Variants in NR6A1 observed in about 807,000 individuals in gnomAD.
NR6A1 encodes retinoic acid receptor-related testis-associated receptor.
A neutral mutation model predicts 59.1 loss-of-function variants in NR6A1; 7 were observed. The ratio of observed to expected loss-of-function variants is 0.12; its 90% CI spans 0.07 to 0.22. The LOEUF is 0.22. Ranked by LOEUF, NR6A1 falls within the 10% of genes least tolerant of loss-of-function variation. NR6A1 has a pLI of 1.00. For missense variants in NR6A1, 468 were observed against 611.6 expected (o/e 0.77, Z 2.48); for synonymous variants, 243 against 236.1 (o/e 1.03, Z -0.27).
At chr9:124,649,782 GA>G (rs1005027325) in intron 2 of NR6A1, among the ~76,000 whole-genome samples, 2 of 151,624 alleles carry the variant, frequency 1.3e-5, no homozygotes, top group African/African-American at 4.8e-5. Context: ...TTTAAAATGG[GA>G]AAAAAAGATG....
intron 1 of NR6A1, among the ~76,000 whole-genome samples, chr9:124,747,951 T>C (rs1341471816): frequency 6.6e-6 from 1 of 152,216 alleles, no homozygotes; most frequent in Non-Finnish European, 1.5e-5. Context: ...TTAGCATACA[T>C]TAATAGCACC....
chr9:124,556,970 T>C (rs1833947869), intron 2 of NR6A1, among the ~76,000 whole-genome samples: 1 of 152,080 alleles, frequency 6.6e-6, no homozygotes, highest in South Asian at 2.1e-4. Context: ...CATGAGATTA[T>C]ACAACCAGGG....
chr9:124,608,079 AT>A (rs1386180688), intron 2 of NR6A1, among the ~76,000 whole-genome samples: 5 of 152,168 alleles, frequency 3.3e-5, no homozygotes, highest in African/African-American at 1.2e-4. Flanking sequence ...AATAAAAAAA[AT>A]AATTTCGTGC....
intron 2 of NR6A1, among the ~76,000 whole-genome samples, chr9:124,646,650 C>T (rs1396924749): frequency 6.6e-6 from 1 of 152,088 alleles, no homozygotes; most frequent in East Asian, 1.9e-4. Flanking sequence ...AACACTAACA[C>T]TAACAATAGC....
chr9:124,685,453 T>C lies in NR6A1; in HGVS notation c.142+47855A>G, dbSNP rs541182801. 5.9e-4 allele frequency among the ~76,000 whole-genome samples: 90 copies of C among 152,312 alleles called. 1 individual carries two copies. The South Asian group carries it at 0.018, about 31-fold the overall frequency. ...AGCCAATATTGCCACCTCAGCCTCC[T>C]ATGTAGCTAGAACTACTGGCAGACA... On this transcript the variant is annotated intron_variant, in intron 2 of 9. Coordinates refer to ENST00000487099, the MANE Select transcript of NR6A1 (RefSeq NM_033334.4).
At chr9:124,524,678 G>A (rs1418104444) in intron 9 of NR6A1, 43 bp downstream of exon 9, 1 of 1,601,754 alleles carries the variant, frequency 6.2e-7, no homozygotes, top group Admixed American at 1.7e-5. Context: ...CACAAGCTAA[G>A]AGAAGCAAGG....
chr9:124,730,989 T>C (rs1325024253), intron 2 of NR6A1, among the ~76,000 whole-genome samples: 1 of 152,076 alleles, frequency 6.6e-6, no homozygotes, highest in Non-Finnish European at 1.5e-5. Context: ...ACAAACTGAG[T>C]TATCAACTAT....
chr9:124,558,615 C>T (rs1474525003), intron 2 of NR6A1, among the ~76,000 whole-genome samples: 1 of 152,092 alleles, frequency 6.6e-6, no homozygotes, highest in Non-Finnish European at 1.5e-5. Flanking sequence ...TGAATAATCA[C>T]AATTATTCCT....
chr9:124,737,976 C>T (rs949054137), intron 1 of NR6A1, among the ~76,000 whole-genome samples: 13 of 152,252 alleles, frequency 8.5e-5, no homozygotes, highest in South Asian at 2.1e-4. Context: ...AAAAATTAGG[C>T]GGGGCGTGGT....
chr9:124,682,292 G>A (rs1051063526), intron 2 of NR6A1, among the ~76,000 whole-genome samples: 9 of 152,048 alleles, frequency 5.9e-5, no homozygotes, highest in African/African-American at 2.2e-4. Flanking sequence ...ATCAGCCATC[G>A]CGCCTGGCCG....
At chr9:124,751,750 G>A (rs1165974182) in intron 1 of NR6A1, among the ~76,000 whole-genome samples, 2 of 152,124 alleles carry the variant, frequency 1.3e-5, no homozygotes, top group African/African-American at 4.8e-5. Context: ...CATAGACAAA[G>A]TACAATAAAT....
rs1832729793 is a variant in NR6A1 at position 124,518,242 on chromosome 9, G to C, written c.*4463C>G. ...AGATGGGAACTGGGCTAGACAGAGG[G>C]ACCAGGCTTCTATGAGCGGGGAGAG... On this transcript the variant is annotated 3_prime_UTR_variant, in exon 10 of 10. Coordinates refer to ENST00000487099, the MANE Select transcript of NR6A1 (RefSeq NM_033334.4). The C allele has an allele frequency of 6.7e-6, 1 of 149,178 alleles. No individual in the cohort carries two copies. The highest frequency in any genetic ancestry group is 2.2e-4 in the South Asian group (1 of 4,526). 9.2% of individuals were successfully genotyped at this position (149,178 alleles called of 1,614,324 possible).
chr9:124,673,671 AAG>A (rs1837864198), intron 2 of NR6A1, among the ~76,000 whole-genome samples: 1 of 152,124 alleles, frequency 6.6e-6, no homozygotes. Flanking sequence ...TTAAAGAAAA[AAG>A]TTAAAGCTTT....
chr9:124,616,114 T>C (rs1234781012), intron 2 of NR6A1, among the ~76,000 whole-genome samples: 1 of 151,884 alleles, frequency 6.6e-6, no homozygotes, highest in African/African-American at 2.4e-5. Context: ...AAAGAACTAA[T>C]TGGACAGGCG....
intron 5 of NR6A1, among the ~76,000 whole-genome samples, chr9:124,539,519 G>A (rs1446346653): frequency 6.6e-6 from 1 of 152,226 alleles, no homozygotes. Context: ...AATAGCTGAA[G>A]GATCTATTTC....
At chr9:124,601,621 GAAAAA>G (rs926008497) in intron 2 of NR6A1, among the ~76,000 whole-genome samples, 1 of 140,574 alleles carries the variant, frequency 7.1e-6, no homozygotes, top group South Asian at 2.3e-4. Context: ...GAAAAGAAAA[GAAAAA>G]AAAAGACTAT....
intron 2 of NR6A1, among the ~76,000 whole-genome samples, chr9:124,647,118 T>C (rs1234284038): frequency 6.6e-6 from 1 of 152,186 alleles, no homozygotes; most frequent in Admixed American, 6.5e-5. Context: ...CTCACTATGT[T>C]GTAGCCCAGA....
intron 2 of NR6A1, among the ~76,000 whole-genome samples, chr9:124,660,753 C>T (rs540126570): frequency 6.6e-6 from 1 of 150,806 alleles, no homozygotes; most frequent in Non-Finnish European, 1.5e-5. Context: ...TGTTGGAGTA[C>T]ATAAAGTCAC....
chr9:124,585,127 C>T (rs1422257502), intron 2 of NR6A1, among the ~76,000 whole-genome samples: 1 of 152,164 alleles, frequency 6.6e-6, no homozygotes, highest in Non-Finnish European at 1.5e-5. Context: ...CAGAGCAAGG[C>T]CCTAACTCTC....
Sources: allele counts gnomAD v4.1 joint callset (sites outside exome capture counted in the v4.1 genomes callset), GRCh38; gene constraint gnomAD v4.1.1; transcripts MANE v1.5; gene names NCBI Gene and HGNC (gene_info 2026-07-23, HGNC 2026-07-21).